The following PKNOX2 variants were observed in gnomAD, a reference collection of about 807,000 sequenced individuals.
The protein encoded by PKNOX2 is homeobox protein PKNOX2.
A neutral mutation model predicts 53.1 loss-of-function variants in PKNOX2; 14 were observed. The observed-to-expected ratio is 0.26, with a 90% CI of 0.17 to 0.41. The LOEUF (loss-of-function observed/expected upper bound fraction) is 0.41, where lower values mean the gene tolerates loss of function less well. Among genes scored for constraint, PKNOX2 ranks in the 10% least tolerant of loss-of-function variants. The probability of loss-of-function intolerance (pLI) is 1.00; values close to 1 mark genes in which losing one functional copy is unlikely to be tolerated. For synonymous variants in PKNOX2, 257 were observed against 242.8 expected (o/e 1.06, Z -0.54); for missense variants, 496 against 602.8 (o/e 0.82, Z 1.85).
intron 4 of PKNOX2, among the ~76,000 whole-genome samples, chr11:125,358,272 G>T (rs1289741501): frequency 6.6e-6 from 1 of 152,166 alleles, no homozygotes; most frequent in African/African-American, 2.4e-5. Context: ...ACACATAGAT[G>T]TGCACACACA....
chr11:125,329,408 T>A (rs1950015061), intron 2 of PKNOX2, among the ~76,000 whole-genome samples: 1 of 152,252 alleles, frequency 6.6e-6, no homozygotes, highest in African/African-American at 2.4e-5. Context: ...AATCATCATA[T>A]TAAAATACCT....
At chr11:125,337,216 G>T (rs1394156900) in intron 3 of PKNOX2, among the ~76,000 whole-genome samples, 1 of 152,180 alleles carries the variant, frequency 6.6e-6, no homozygotes, top group Non-Finnish European at 1.5e-5. Flanking sequence ...TGAATGGCCT[G>T]TGGAAGGGTC....
At chr11:125,275,552 T>A (rs1460829626) in intron 2 of PKNOX2, among the ~76,000 whole-genome samples, 1 of 152,076 alleles carries the variant, frequency 6.6e-6, no homozygotes, top group Non-Finnish European at 1.5e-5. Flanking sequence ...TGGTGGAGGC[T>A]TTGTTGGCTT....
chr11:125,363,532 C>T (rs976199955), intron 4 of PKNOX2, among the ~76,000 whole-genome samples: 1 of 152,202 alleles, frequency 6.6e-6, no homozygotes. Context: ...ATCATTCAAC[C>T]TTGCCTCTCC....
chr11:125,411,891 G>A, intron 10 of PKNOX2, 26 bp downstream of exon 10: 1 of 1,613,654 alleles, frequency 6.2e-7, no homozygotes, highest in Non-Finnish European at 8.5e-7. Flanking sequence ...TTGGGGGTGT[G>A]GAGTCCCGGC....
chr11:125,339,667 A>T (rs1263515630), intron 3 of PKNOX2, among the ~76,000 whole-genome samples: 1 of 152,226 alleles, frequency 6.6e-6, no homozygotes, highest in East Asian at 1.9e-4. Context: ...ATGACAAGAC[A>T]GAGACACTGA....
chr11:125,246,655 A>G (rs946420501), intron 2 of PKNOX2, among the ~76,000 whole-genome samples: 7 of 152,154 alleles, frequency 4.6e-5, no homozygotes, highest in African/African-American at 1.7e-4. Context: ...TTCTCCATCT[A>G]TTAAAGAATA....
intron 7 of PKNOX2, among the ~76,000 whole-genome samples, chr11:125,403,627 A>G (rs1407218581): frequency 2.6e-5 from 4 of 152,148 alleles, no homozygotes; most frequent in Admixed American, 2.6e-4. Context: ...GGAGTCCGGG[A>G]TGGGCTACTC....
At chr11:125,332,862 G>A (rs1246490749) in intron 3 of PKNOX2, among the ~76,000 whole-genome samples, 1 of 152,110 alleles carries the variant, frequency 6.6e-6, no homozygotes, top group East Asian at 1.9e-4. Context: ...CAAGCAGCTA[G>A]TTAGTCTATT....
At chr11:125,365,479 G>A (rs576320246) in intron 4 of PKNOX2, among the ~76,000 whole-genome samples, 2 of 152,226 alleles carry the variant, frequency 1.3e-5, no homozygotes, top group African/African-American at 2.4e-5. Context: ...TGGCCCAAAT[G>A]TTAGAAGTGT....
intron 7 of PKNOX2, among the ~76,000 whole-genome samples, chr11:125,402,040 A>C (rs958539519): frequency 6.6e-6 from 1 of 151,810 alleles, no homozygotes; most frequent in Admixed American, 6.5e-5. Context: ...TGGTATCCCC[A>C]CTCCCAGATG....
intron 3 of PKNOX2, among the ~76,000 whole-genome samples, chr11:125,336,314 T>C (rs1244231949): frequency 6.6e-6 from 1 of 152,142 alleles, no homozygotes; most frequent in Non-Finnish European, 1.5e-5. Flanking sequence ...ATTTATTATA[T>C]TAGATAATAT....
At chr11:125,390,784 G>A (rs932489625) in intron 6 of PKNOX2, among the ~76,000 whole-genome samples, 1 of 152,186 alleles carries the variant, frequency 6.6e-6, no homozygotes, top group African/African-American at 2.4e-5. Flanking sequence ...AAATTCTGAG[G>A]CCATCAGAAG....
At chr11:125,283,506 G>A (rs568740908) in intron 2 of PKNOX2, among the ~76,000 whole-genome samples, 55 of 152,308 alleles carry the variant, frequency 3.6e-4, no homozygotes, top group African/African-American at 7.5e-4. Context: ...TATATGATGC[G>A]TAGGGTTTGA....
chr11:125,411,505 T>TCTCCCC (rs1392384377), intron 9 of PKNOX2: 4 of 414,092 alleles, frequency 9.7e-6, no homozygotes, highest in Admixed American at 6.6e-5. Context: ...TCTCTCTCTC[T>TCTCCCC]CTCTCCCCCC....
chr11:125,329,862 C>T (rs1215469235), intron 2 of PKNOX2, among the ~76,000 whole-genome samples: 1 of 152,178 alleles, frequency 6.6e-6, no homozygotes, highest in Admixed American at 6.5e-5. Context: ...TCGGGGCCAG[C>T]TGCTTTTTCG....
intron 2 of PKNOX2, among the ~76,000 whole-genome samples, chr11:125,313,456 C>T (rs927852061): frequency 6.6e-5 from 10 of 152,306 alleles, no homozygotes; most frequent in Admixed American, 6.5e-4. Context: ...CATCTTTATT[C>T]CCCTCAAGGA....
At chr11:125,269,979 C>A (rs1242305118) in intron 2 of PKNOX2, among the ~76,000 whole-genome samples, 3 of 152,242 alleles carry the variant, frequency 2.0e-5, no homozygotes, top group African/African-American at 7.2e-5. Flanking sequence ...ACTGGAGATA[C>A]AACAGTGACT....
chr11:125,187,858 C>A (rs1377525429), intron 1 of PKNOX2, among the ~76,000 whole-genome samples: 1 of 152,146 alleles, frequency 6.6e-6, no homozygotes, highest in African/African-American at 2.4e-5. Flanking sequence ...AATGGGGGCA[C>A]CCATCTGATT....
Sources: allele counts gnomAD v4.1 joint callset (sites outside exome capture counted in the v4.1 genomes callset), GRCh38; gene constraint gnomAD v4.1.1; transcripts MANE v1.5; gene names NCBI Gene and HGNC (gene_info 2026-07-23, HGNC 2026-07-21).